Variants in OPRM1 observed in about 807,000 individuals in gnomAD.
OPRM1 encodes opioid receptor mu 1.
OPRM1 carries 27 observed loss-of-function variants against 31.8 expected under a neutral mutation model. That is an observed-to-expected ratio of 0.85 (90% CI 0.63 to 1.17). OPRM1 has a LOEUF of 1.17. Ranked by LOEUF, OPRM1 falls within the 50% of genes most tolerant of loss-of-function variation. OPRM1 has a pLI of 0.00. For synonymous variants in OPRM1, 196 were observed against 189.9 expected (o/e 1.03, Z -0.26); for missense variants, 536 against 511.1 (o/e 1.05, Z -0.47).
chr6:154,080,577 G>T (rs1168984958), intron 1 of OPRM1, among the ~76,000 whole-genome samples: 1 of 151,956 alleles, frequency 6.6e-6, no homozygotes, highest in African/African-American at 2.4e-5. Context: ...TCCCTGTCTC[G>T]CTCCCTCTTT....
intron 1 of OPRM1, among the ~76,000 whole-genome samples, chr6:154,011,580 G>GA (rs1777729675): frequency 6.6e-6 from 1 of 152,012 alleles, no homozygotes; most frequent in African/African-American, 2.4e-5. Flanking sequence ...AATTTTAGTT[G>GA]AAAAAATACA....
At chr6:154,027,875 T>C (rs1752147375) in intron 1 of OPRM1, among the ~76,000 whole-genome samples, 1 of 152,042 alleles carries the variant, frequency 6.6e-6, no homozygotes, top group South Asian at 2.1e-4. Context: ...CTCTTCAGAG[T>C]AGTGGGCTAT....
intron 3 of OPRM1, among the ~76,000 whole-genome samples, chr6:154,236,932 G>A (rs1011768087): frequency 3.9e-5 from 6 of 152,082 alleles, no homozygotes; most frequent in South Asian, 2.1e-4. Context: ...TAAAGACATC[G>A]TTTCAAACAT....
intron 3 of OPRM1, among the ~76,000 whole-genome samples, chr6:154,195,217 G>A (rs542420303): frequency 4.8e-5 from 7 of 145,418 alleles, no homozygotes; most frequent in African/African-American, 1.0e-4. Context: ...GCACGATCTC[G>A]GCTCACTGCA....
intron 3 of OPRM1, among the ~76,000 whole-genome samples, chr6:154,164,527 C>A (rs1799272796): frequency 6.6e-6 from 1 of 152,214 alleles, no homozygotes; most frequent in African/African-American, 2.4e-5. Context: ...TTTTGGAGGG[C>A]TTTGAACTAC....
intron 3 of OPRM1, among the ~76,000 whole-genome samples, chr6:154,206,258 T>C (rs528667423): frequency 5.9e-5 from 9 of 152,374 alleles, no homozygotes; most frequent in Admixed American, 4.6e-4. Context: ...CTTCCTCATT[T>C]GTAAAACTCA....
chr6:154,150,598 C>T (rs1244491589), intron 3 of OPRM1, among the ~76,000 whole-genome samples: 1 of 152,190 alleles, frequency 6.6e-6, no homozygotes, highest in African/African-American at 2.4e-5. Flanking sequence ...GCCCTATATC[C>T]CAATAAGGAG....
At chr6:154,048,090 G>T (rs114053273) in intron 1 of OPRM1, among the ~76,000 whole-genome samples, 1 of 152,120 alleles carries the variant, frequency 6.6e-6, no homozygotes, top group Non-Finnish European at 1.5e-5. Flanking sequence ...CTGGGGAATA[G>T]GTTTTCAACA....
intron 3 of OPRM1, among the ~76,000 whole-genome samples, chr6:154,102,488 T>C (rs1183826089): frequency 6.6e-6 from 1 of 152,156 alleles, no homozygotes; most frequent in Non-Finnish European, 1.5e-5. Context: ...ATTTCATCTC[T>C]TGTAAATAGC....
intron 1 of OPRM1, among the ~76,000 whole-genome samples, chr6:154,080,388 T>C (rs1788818151): frequency 6.6e-6 from 1 of 152,216 alleles, no homozygotes; most frequent in South Asian, 2.1e-4. Flanking sequence ...ATGTTACATG[T>C]ATAATCAGCT....
intron 3 of OPRM1, among the ~76,000 whole-genome samples, chr6:154,221,717 CA>C (rs199880394): frequency 4.6e-5 from 7 of 151,768 alleles, no homozygotes; most frequent in African/African-American, 1.7e-4. Flanking sequence ...ACTAAATATA[CA>C]AAAAAATTAG....
Position 154,100,111 on chromosome 6 carries a change from T to G in OPRM1, c.1164+8639T>G, listed in dbSNP as rs1430705324. Among the ~76,000 whole-genome samples, 101 of 53,094 alleles carry G rather than the reference T, an allele frequency of 1.9e-3. 5 individuals are homozygous for G. The East Asian group carries it at 0.02, about 10-fold the overall frequency. 34.8% of individuals were successfully genotyped at this position (53,094 alleles called of 152,430 possible). On this transcript the variant is annotated intron_variant, in intron 3 of 3. Transcript: ENST00000330432. ...TATTATCATATTATGATATATATAT[T>G]ATATATTATCATATTATGACATATA...
chr6:154,212,750 C>T, intron 3 of OPRM1: 1 of 1,523,404 alleles, frequency 6.6e-7, no homozygotes, highest in Non-Finnish European at 9.1e-7. Context: ...GACCAACAGA[C>T]TACTTATGTC....
intron 1 of OPRM1, chr6:154,074,569 C>T (rs372288233): frequency 1.1e-4 from 17 of 152,064 alleles, no homozygotes; most frequent in East Asian, 9.7e-4. Context: ...AGACCAGCCT[C>T]GCCAAGATGG....
chr6:154,060,834 A>G (rs1231573774), intron 1 of OPRM1, among the ~76,000 whole-genome samples: 1 of 152,210 alleles, frequency 6.6e-6, no homozygotes. Flanking sequence ...TTAGAGATGT[A>G]TCCCACAAGG....
chr6:154,238,047 A>G (rs893438080), intron 3 of OPRM1, among the ~76,000 whole-genome samples: 9 of 152,350 alleles, frequency 5.9e-5, no homozygotes, highest in African/African-American at 2.2e-4. Flanking sequence ...TCATATATGC[A>G]TATATAATTC....
At position 154,129,430 on chromosome 6, in the gene OPRM1, A is replaced by C. The variant is rs896255112; in HGVS notation, c.*10709A>C. Among the ~76,000 whole-genome samples, 2 of 152,174 alleles carry C rather than the reference A, an allele frequency of 1.3e-5. No individual in the cohort carries two copies. Among genetic ancestry groups the C allele is most frequent in the Admixed American group, 6.5e-5 (1 of 15,282 alleles). Reference sequence around the variant, plus strand: ...CGCTGAGCTGCCTGTATTTGGTTTTACTTCCTTGTTGTTTTTACTGAATAT... The same window carrying C: ...CGCTGAGCTGCCTGTATTTGGTTTTCCTTCCTTGTTGTTTTTACTGAATAT... On this transcript the variant is annotated 3_prime_UTR_variant, in exon 4 of 4. Coordinates refer to ENST00000330432, the MANE Select transcript of OPRM1 (RefSeq NM_000914.5).
chr6:154,184,778 C>T (rs1009250691), intron 3 of OPRM1, among the ~76,000 whole-genome samples: 2 of 150,044 alleles, frequency 1.3e-5, no homozygotes, highest in Non-Finnish European at 3.0e-5. Flanking sequence ...GGTATCTTTC[C>T]AGATTGAGAT....
At chr6:154,067,800 G>T (rs1350514862) in intron 1 of OPRM1, among the ~76,000 whole-genome samples, 1 of 151,848 alleles carries the variant, frequency 6.6e-6, no homozygotes, top group African/African-American at 2.4e-5. Context: ...TGCTTTATAT[G>T]TTTTTTAATG....
Sources: allele counts gnomAD v4.1 joint callset (sites outside exome capture counted in the v4.1 genomes callset), GRCh38; gene constraint gnomAD v4.1.1; transcripts MANE v1.5; gene names NCBI Gene and HGNC (gene_info 2026-07-23, HGNC 2026-07-21).